Variants in GRK5 observed in about 807,000 individuals in gnomAD.
GRK5 encodes the protein g protein-coupled receptor kinase GRK5.
GRK5 carries 40 observed loss-of-function variants against 78.4 expected under a neutral mutation model. That is an observed-to-expected ratio of 0.51 (90% CI 0.40 to 0.66). The LOEUF (loss-of-function observed/expected upper bound fraction) is 0.66. Among genes scored for constraint, GRK5 ranks in the 30% least tolerant of loss-of-function variants. The probability of loss-of-function intolerance (pLI) is 0.00; values close to 1 mark genes in which losing one functional copy is unlikely to be tolerated. For synonymous variants in GRK5, 289 were observed against 296.8 expected, an observed-to-expected ratio of 0.97 and a Z score of 0.27; for missense variants, 598 against 759.9, an observed-to-expected ratio of 0.79 and a Z score of 2.50.
rs915109 is a variant in GRK5, at chr10:119,369,981, T to A, written c.149-10834T>A. Among the ~76,000 whole-genome samples, 554 of 152,258 alleles carry A rather than the reference T, an allele frequency of 3.6e-3. 8 individuals carry two copies. Among genetic ancestry groups the A allele is most frequent in the Admixed American group, 0.018 (272 of 15,298 alleles). On this transcript the variant is annotated intron_variant, in intron 2 of 15. Transcript: ENST00000392870. The stretch of plus-strand genomic sequence containing the variant: ...ATATCTAAATTGTTTGCCTTTTTTG[T>A]CCTTGGTGATAGAGGTCACTGCCGG...
At chr10:119,432,723 T>TA (rs1431864390) in intron 8 of GRK5, among the ~76,000 whole-genome samples, 1 of 152,178 alleles carries the variant, frequency 6.6e-6, no homozygotes, top group Admixed American at 6.5e-5. Context: ...CCTGAAGAGA[T>TA]AAAGCATAAT....
At chr10:119,358,091 C>T (rs1407526027) in intron 2 of GRK5, among the ~76,000 whole-genome samples, 1 of 152,130 alleles carries the variant, frequency 6.6e-6, no homozygotes, top group Non-Finnish European at 1.5e-5. Context: ...TTTCTAAGGC[C>T]CCGGCTGGTT....
chr10:119,301,791 GT>G (rs1850185867), intron 1 of GRK5, among the ~76,000 whole-genome samples: 1 of 152,152 alleles, frequency 6.6e-6, no homozygotes, highest in African/African-American at 2.4e-5. Flanking sequence ...AACACTTATC[GT>G]GGGTAGCATT....
At chr10:119,446,553 G>A (rs1185298779) in intron 12 of GRK5, among the ~76,000 whole-genome samples, 1 of 151,726 alleles carries the variant, frequency 6.6e-6, no homozygotes, top group South Asian at 2.1e-4. Context: ...GCCTCTGAGG[G>A]ACTGCTTAGA....
chr10:119,344,959 G>C (rs7082781), intron 2 of GRK5, among the ~76,000 whole-genome samples: 11,734 of 100,500 alleles, frequency 0.12, 870 homozygotes, highest in African/African-American at 0.25. Flanking sequence ...TCCCTCCCTC[G>C]CTCCTTCCTT....
At chr10:119,438,526 C>T (rs1852968308) in intron 9 of GRK5, among the ~76,000 whole-genome samples, 1 of 149,382 alleles carries the variant, frequency 6.7e-6, no homozygotes, top group Non-Finnish European at 1.5e-5. Context: ...TGTTTTCATT[C>T]AAATGAAAAG....
intron 1 of GRK5, among the ~76,000 whole-genome samples, chr10:119,313,004 C>CTGGTGGCTGTGGTGATG (rs57452712): frequency 2.0e-4 from 2 of 9,832 alleles, no homozygotes; most frequent in African/African-American, 3.2e-4. Context: ...TAATGGTGGT[C>CTGGTGGCTGTGGTGATG]GTGACGGTGA....
At chr10:119,243,425 G>A (rs1484668610) in intron 1 of GRK5, among the ~76,000 whole-genome samples, 3 of 152,076 alleles carry the variant, frequency 2.0e-5, no homozygotes, top group Non-Finnish European at 4.4e-5. Flanking sequence ...CCCAACTATA[G>A]TGCTTAGAAA....
At chr10:119,314,966 C>T (rs1470241597) in intron 1 of GRK5, among the ~76,000 whole-genome samples, 1 of 152,200 alleles carries the variant, frequency 6.6e-6, no homozygotes, top group Non-Finnish European at 1.5e-5. Flanking sequence ...AGAACGAGAC[C>T]CTTGGCCTGT....
At chr10:119,216,791 AAAAATAC>A (rs1564851582) in intron 1 of GRK5, among the ~76,000 whole-genome samples, 1 of 152,112 alleles carries the variant, frequency 6.6e-6, no homozygotes, top group Non-Finnish European at 1.5e-5. Flanking sequence ...CATCTCTACT[AAAAATAC>A]AAAATTACCT....
intron 1 of GRK5, among the ~76,000 whole-genome samples, chr10:119,216,646 C>CA (rs1403710876): frequency 6.6e-6 from 1 of 151,410 alleles, no homozygotes; most frequent in East Asian, 1.9e-4. Context: ...CCTATCTCTA[C>CA]AAAAAATAAA....
Position 119,348,436 on chromosome 10 carries a change from A to C in GRK5, c.148+21825A>C, listed in dbSNP as rs545105664. Among the ~76,000 whole-genome samples, 126 of 152,338 alleles carry C rather than the reference A, an allele frequency of 8.3e-4. 1 individual carries two copies. The highest frequency in any genetic ancestry group is 1.5e-3 in the Non-Finnish European group (102 of 68,020). On this transcript the variant is annotated intron_variant, in intron 2 of 15. Transcript: ENST00000392870. ...GTGCGTTAGAAACGAAGGGGAGAAG[A>C]AGCTCCCTGCTCGGCCTAGGAAGCA...
intron 2 of GRK5, among the ~76,000 whole-genome samples, chr10:119,330,987 A>G (rs1397761104): frequency 6.6e-6 from 1 of 152,054 alleles, no homozygotes; most frequent in Non-Finnish European, 1.5e-5. Context: ...CCTCCTCCCC[A>G]TAAGCTTCCA....
chr10:119,236,281 T>A (rs1407402484), intron 1 of GRK5, among the ~76,000 whole-genome samples: 2 of 152,118 alleles, frequency 1.3e-5, no homozygotes, highest in African/African-American at 4.8e-5. Flanking sequence ...AGTGGCGCGA[T>A]CTCGGCTCAC....
intron 1 of GRK5, among the ~76,000 whole-genome samples, chr10:119,263,394 A>G (rs1354540295): frequency 6.6e-6 from 1 of 152,164 alleles, no homozygotes; most frequent in Non-Finnish European, 1.5e-5. Context: ...GACTTTGGTT[A>G]ATATTTAAGC....
intron 1 of GRK5, among the ~76,000 whole-genome samples, chr10:119,263,416 C>G (rs1453920761): frequency 1.3e-5 from 2 of 152,096 alleles, no homozygotes; most frequent in Admixed American, 1.3e-4. Flanking sequence ...TGGAATCTCA[C>G]TTGTGTGTGT....
intron 12 of GRK5, among the ~76,000 whole-genome samples, chr10:119,446,174 A>T (rs1435303080): frequency 6.6e-6 from 1 of 151,544 alleles, no homozygotes; most frequent in African/African-American, 2.4e-5. Context: ...TCTTCCTCTC[A>T]CTTCTCCTGG....
chr10:119,374,995 C>G (rs941167901), intron 2 of GRK5, among the ~76,000 whole-genome samples: 1 of 152,204 alleles, frequency 6.6e-6, no homozygotes, highest in African/African-American at 2.4e-5. Flanking sequence ...ATTAACCAGG[C>G]TCAGGTATTT....
intron 1 of GRK5, among the ~76,000 whole-genome samples, chr10:119,293,610 A>C (rs1850023130): frequency 6.6e-6 from 1 of 152,216 alleles, no homozygotes; most frequent in South Asian, 2.1e-4. Flanking sequence ...AGTATCAGGC[A>C]AATTGGCTTC....
Sources: gnomAD v4.1 joint callset for allele counts (sites outside exome capture counted in the v4.1 genomes callset) on GRCh38, gnomAD v4.1.1 for gene constraint, MANE v1.5 for transcripts, NCBI Gene and HGNC (gene_info 2026-07-23, HGNC 2026-07-21) for gene names.